Variants in SOX6 observed in about 807,000 individuals in gnomAD.
SOX6 encodes the protein SRY-box transcription factor 6, also known as transcription factor SOX-6.
Under a neutral mutation model 97.8 loss-of-function variants are expected in SOX6, and 11 were observed. The ratio of observed to expected loss-of-function variants is 0.11; its 90% CI spans 0.07 to 0.19. The LOEUF (loss-of-function observed/expected upper bound fraction) is 0.19. Ranked by LOEUF, SOX6 falls within the 10% of genes least tolerant of loss-of-function variation. The pLI, the probability that SOX6 is intolerant of heterozygous loss-of-function variation, is 1.00. For missense variants in SOX6, 810 were observed against 1,039.5 expected (o/e 0.78, Z 3.04); for synonymous variants, 360 against 371.4 (o/e 0.97, Z 0.35).
chr11:16,053,390 C>T (rs947913032), intron 10 of SOX6, among the ~76,000 whole-genome samples: 6 of 152,218 alleles, frequency 3.9e-5, no homozygotes, highest in African/African-American at 1.2e-4. Flanking sequence ...GGATCTCTCC[C>T]TGTGTACAAC....
At chr11:16,712,138 C>T (rs1672502672) in intron 3 of SOX6, among the ~76,000 whole-genome samples, 2 of 151,316 alleles carry the variant, frequency 1.3e-5, no homozygotes, top group South Asian at 2.1e-4. Context: ...TTTCTTTAAC[C>T]ACTCATTGAG....
intron 3 of SOX6, among the ~76,000 whole-genome samples, chr11:16,640,364 A>C (rs1404782296): frequency 6.6e-6 from 1 of 152,158 alleles, no homozygotes; most frequent in Non-Finnish European, 1.5e-5. Flanking sequence ...TATTGGTCTA[A>C]AATTCTCTTT....
intron 12 of SOX6, chr11:16,015,410 G>A: frequency 4.1e-6 from 1 of 241,854 alleles, no homozygotes; most frequent in Non-Finnish European, 8.1e-6. Flanking sequence ...AAAATACACG[G>A]CTCAATTTAA....
At chr11:16,282,327 G>T (rs1179634182) in intron 3 of SOX6, among the ~76,000 whole-genome samples, 1 of 151,102 alleles carries the variant, frequency 6.6e-6, no homozygotes, top group Non-Finnish European at 1.5e-5. Context: ...AGTCTTTATT[G>T]GAAAGAAATA....
At chr11:15,974,378 C>CTCT (rs761914801) in intron 15 of SOX6, among the ~76,000 whole-genome samples, 1 of 85,658 alleles carries the variant, frequency 1.2e-5, no homozygotes. Flanking sequence ...TTAGCTCTCT[C>CTCT]TTTTTTTTTT....
intron 4 of SOX6, chr11:16,484,264 G>C: frequency 9.1e-7 from 1 of 1,099,554 alleles, no homozygotes; most frequent in Admixed American, 1.7e-5. Context: ...CCAGAATGTT[G>C]GTGTCACTGG....
chr11:16,598,669 G>C (rs1381523094), intron 4 of SOX6, among the ~76,000 whole-genome samples: 2 of 151,722 alleles, frequency 1.3e-5, no homozygotes, highest in East Asian at 3.9e-4. Context: ...AAAATCTGTT[G>C]CATTTTCTTT....
intron 15 of SOX6, among the ~76,000 whole-genome samples, chr11:15,973,913 C>A (rs1229803585): frequency 1.3e-5 from 2 of 152,144 alleles, no homozygotes; most frequent in Admixed American, 1.3e-4. Context: ...CTTAACAGAT[C>A]CTTTGTGGAG....
chr11:15,996,880 G>T (rs1854242297), intron 13 of SOX6, among the ~76,000 whole-genome samples: 1 of 152,050 alleles, frequency 6.6e-6, no homozygotes, highest in African/African-American at 2.4e-5. Flanking sequence ...TTCTCTGAAT[G>T]GATGAAGAGT....
intron 12 of SOX6, among the ~76,000 whole-genome samples, chr11:16,023,448 T>C (rs926807431): frequency 2.6e-5 from 4 of 152,118 alleles, no homozygotes; most frequent in Non-Finnish European, 5.9e-5. Flanking sequence ...ATGCAATTAT[T>C]TTCAGATCCT....
At chr11:15,996,258 C>T (rs745997914) in intron 13 of SOX6, among the ~76,000 whole-genome samples, 4 of 152,040 alleles carry the variant, frequency 2.6e-5, no homozygotes, top group East Asian at 1.9e-4. Flanking sequence ...TAATATTTTA[C>T]GTGAAGTGGT....
At chr11:16,313,656 T>C (rs1425172962) in intron 3 of SOX6, 3 of 152,172 alleles carry the variant, frequency 2.0e-5, no homozygotes, top group Non-Finnish European at 4.4e-5. Flanking sequence ...TAATTATTTC[T>C]GTTCTCCCAT....
chr11:16,682,075 C>G (rs1170685312), intron 3 of SOX6, among the ~76,000 whole-genome samples: 3 of 152,168 alleles, frequency 2.0e-5, no homozygotes, highest in African/African-American at 7.2e-5. Context: ...CTATTCCAAT[C>G]AATAGAAAAA....
chr11:16,188,637 T>C (rs1484338545), intron 4 of SOX6, among the ~76,000 whole-genome samples: 4 of 152,190 alleles, frequency 2.6e-5, no homozygotes, highest in African/African-American at 9.6e-5. Flanking sequence ...AATTTACATA[T>C]TGAATAAATT....
chr11:16,643,428 C>T (rs1042463465), intron 3 of SOX6, among the ~76,000 whole-genome samples: 1 of 152,214 alleles, frequency 6.6e-6, no homozygotes, highest in African/African-American at 2.4e-5. Context: ...AGAACCACCA[C>T]TGTCTTCCAA....
chr11:16,540,500 G>T (rs916718120), intron 4 of SOX6, among the ~76,000 whole-genome samples: 2 of 152,030 alleles, frequency 1.3e-5, no homozygotes, highest in African/African-American at 4.8e-5. Flanking sequence ...GAAATAAAGG[G>T]TATTCAATTA....
chr11:16,207,048 A>G (rs184373392), intron 4 of SOX6, among the ~76,000 whole-genome samples: 13 of 152,220 alleles, frequency 8.5e-5, no homozygotes, highest in Admixed American at 3.3e-4. Context: ...CCTACTACAA[A>G]TGCACATACA....
chr11:16,186,492 G>A (rs1237092043), intron 5 of SOX6, among the ~76,000 whole-genome samples: 1 of 152,122 alleles, frequency 6.6e-6, no homozygotes, highest in African/African-American at 2.4e-5. Context: ...GGGATTATAT[G>A]TGATGTCTAT....
intron 6 of SOX6, among the ~76,000 whole-genome samples, chr11:16,171,678 TA>T (rs1224677931): frequency 6.6e-6 from 1 of 151,902 alleles, no homozygotes; most frequent in Non-Finnish European, 1.5e-5. Flanking sequence ...AAAATGACAT[TA>T]AGGTGAACTG....
Sources: gnomAD v4.1 joint callset for allele counts (sites outside exome capture counted in the v4.1 genomes callset) on GRCh38, gnomAD v4.1.1 for gene constraint, MANE v1.5 for transcripts, NCBI Gene and HGNC (gene_info 2026-07-23, HGNC 2026-07-21) for gene names.